WDR37: variants seen among roughly 807,000 people sequenced by gnomAD.
WDR37 encodes WD repeat-containing protein 37.
In WDR37, 19 loss-of-function variants were observed where a neutral mutation model predicts 62.9. The ratio of observed to expected loss-of-function variants is 0.30; its 90% CI spans 0.21 to 0.44. The LOEUF (loss-of-function observed/expected upper bound fraction) is 0.44. Ranked by LOEUF, WDR37 falls within the 20% of genes least tolerant of loss-of-function variation. The pLI, the probability that WDR37 is intolerant of heterozygous loss-of-function variation, is 1.00. For synonymous variants in WDR37, 250 were observed against 260.9 expected, an observed-to-expected ratio of 0.96 and a Z score of 0.40; for missense variants, 474 against 657.6, an observed-to-expected ratio of 0.72 and a Z score of 3.05.
intron 1 of WDR37, among the ~76,000 whole-genome samples, chr10:1,071,648 G>A (rs1184181897): frequency 1.3e-5 from 2 of 152,096 alleles, no homozygotes; most frequent in Admixed American, 6.6e-5. Context: ...TATTTTAAAC[G>A]TATTGGGTTA....
intron 11 of WDR37, among the ~76,000 whole-genome samples, chr10:1,109,930 T>C (rs1835158022): frequency 6.6e-6 from 1 of 152,156 alleles, no homozygotes; most frequent in African/African-American, 2.4e-5. Context: ...GAGTGTGTAA[T>C]TCCCGTGTGC....
At chr10:1,058,750 C>T (rs966033989) in intron 1 of WDR37, among the ~76,000 whole-genome samples, 8 of 152,274 alleles carry the variant, frequency 5.3e-5, no homozygotes, top group African/African-American at 1.4e-4. Context: ...TTCTCTTCCT[C>T]GATATTGCTC....
intron 2 of WDR37, among the ~76,000 whole-genome samples, chr10:1,077,502 A>G (rs530702619): frequency 6.6e-5 from 10 of 152,260 alleles, no homozygotes; most frequent in African/African-American, 2.2e-4. Context: ...TGCCTCTTCC[A>G]TGAGGGTCTA....
chr10:1,121,558 C>T lies in WDR37; in HGVS notation c.1104-2660C>T, dbSNP rs950758775. ...CTGCTCTCGTAACCCGTGCTGCTCT[C>T]GTTACCCAGGCTGGGCGTTTGCTTG... On this transcript the variant is annotated intron_variant, in intron 11 of 13. Coordinates refer to ENST00000263150, the MANE Select transcript of WDR37 (RefSeq NM_014023.4). The surrounding 1 kb of genome is among the most constrained non-coding windows in gnomAD (Gnocchi z 4.5). 3.3e-5 allele frequency among the ~76,000 whole-genome samples: 5 copies of T among 152,220 alleles called. No individual in the cohort carries two copies. The highest frequency in any genetic ancestry group is 1.9e-4 in the East Asian group (1 of 5,200).
intron 11 of WDR37, among the ~76,000 whole-genome samples, chr10:1,111,167 T>G (rs552812323): frequency 6.6e-6 from 1 of 152,242 alleles, no homozygotes; most frequent in Non-Finnish European, 1.5e-5. Context: ...GGAATGTGCT[T>G]TTCAAAGTTT....
intron 1 of WDR37, among the ~76,000 whole-genome samples, chr10:1,069,158 C>T (rs4403737): frequency 0.98 from 149,007 of 152,000 alleles, 73,093 homozygotes; most frequent in Middle Eastern, 1. Context: ...ATACTGAGAG[C>T]CATTGAATTG....
rs545989021 is a variant in WDR37 at position 1,105,464 on chromosome 10, T to G, written c.1103+197T>G. On this transcript the variant is annotated intron_variant, in intron 11 of 13. Coordinates refer to ENST00000263150, the MANE Select transcript of WDR37 (RefSeq NM_014023.4). The surrounding 1 kb of genome is among the most constrained non-coding windows in gnomAD (Gnocchi z 5.3). ...GGCTATTTCAAAGGATGTAGGAGAT[T>G]AAGAGAAGGCACCCTCCGAAGTTCT... 6.6e-6 allele frequency among the ~76,000 whole-genome samples: 1 copy of G among 152,308 alleles called. No homozygotes were observed. The highest frequency in any genetic ancestry group is 2.1e-4 in the South Asian group (1 of 4,826).
In WDR37 at chr10:1,105,069, G is replaced by T; in HGVS notation, c.962-57G>T. ...TTGGGTTCTTGTGCTGTTGAAAAGC[G>T]TCTCTCTCAGCGTGCTCCTCAGGTG... is the stretch of plus-strand genomic sequence containing the variant. On this transcript the variant is annotated intron_variant, in intron 10 of 13. Transcript: ENST00000263150. The surrounding 1 kb of genome is among the most constrained non-coding windows in gnomAD (Gnocchi z 5.3). 1 of 1,592,710 alleles carries T rather than the reference G, an allele frequency of 6.3e-7. No homozygotes were observed. The highest frequency in any genetic ancestry group is 8.6e-7 in the Non-Finnish European group (1 of 1,163,814).
At chr10:1,107,390 GA>G (rs1564509335) in intron 11 of WDR37, among the ~76,000 whole-genome samples, 1 of 152,252 alleles carries the variant, frequency 6.6e-6, no homozygotes, top group Non-Finnish European at 1.5e-5. Context: ...AGGACGGGAG[GA>G]GCAAGATGGT....
chr10:1,115,713 C>A (rs1079390), intron 11 of WDR37, among the ~76,000 whole-genome samples: 12,438 of 152,206 alleles, frequency 0.082, 539 homozygotes, highest in African/African-American at 0.1. Context: ...CGCATGTGGT[C>A]TCTAAATCAG....
chr10:1,084,675 CAT>C, intron 6 of WDR37, 137 bp downstream of exon 6: 3 of 1,279,300 alleles, frequency 2.3e-6, no homozygotes, highest in Admixed American at 2.3e-5. Flanking sequence ...ACCCCCCACA[CAT>C]TAACCCTTGG....
At chr10:1,057,523 T>C (rs187299606) in intron 1 of WDR37, among the ~76,000 whole-genome samples, 1 of 152,216 alleles carries the variant, frequency 6.6e-6, no homozygotes, top group East Asian at 1.9e-4. Flanking sequence ...CTGAAGTGAT[T>C]AACACAGCGC....
chr10:1,079,410 A>C (rs903627514), intron 3 of WDR37, among the ~76,000 whole-genome samples: 7 of 152,102 alleles, frequency 4.6e-5, no homozygotes, highest in Non-Finnish European at 1.0e-4. Flanking sequence ...AATCGTGCAG[A>C]ATCAATCACT....
In WDR37 at chr10:1,123,619, T is replaced by C. The variant is rs574671124; in HGVS notation, c.1104-599T>C. Reference sequence around the variant, plus strand: ...CATCTGCTGATGGACATGTGGGTTGTTTGCACCTCTTTGGCTGTTGTCAGT... The same window carrying C: ...CATCTGCTGATGGACATGTGGGTTGCTTGCACCTCTTTGGCTGTTGTCAGT... On this transcript the variant is annotated intron_variant, in intron 11 of 13. Coordinates refer to ENST00000263150, the MANE Select transcript of WDR37 (RefSeq NM_014023.4). Among the ~76,000 whole-genome samples the C allele has an allele frequency of 2.6e-5, 4 of 152,364 alleles. 1 individual carries two copies. In the South Asian group the frequency reaches 8.3e-4, roughly 32 times the overall value.
At chr10:1,129,181 G>A (rs1218836680) in intron 13 of WDR37, 32 bp from the exon 14 acceptor site, 1 of 1,606,530 alleles carries the variant, frequency 6.2e-7, no homozygotes, top group Non-Finnish European at 8.5e-7. Flanking sequence ...CGGGAATAAT[G>A]CACTGATTTT....
At chr10:1,098,795 C>T (rs2131650802) in intron 9 of WDR37, among the ~76,000 whole-genome samples, 1 of 152,292 alleles carries the variant, frequency 6.6e-6, no homozygotes, top group East Asian at 1.9e-4. Context: ...GCCTTTTGGC[C>T]TGTAGTCTTG....
At chr10:1,117,487 A>G (rs2387299) in intron 11 of WDR37, among the ~76,000 whole-genome samples, 12,477 of 152,306 alleles carry the variant, frequency 0.082, 546 homozygotes, top group African/African-American at 0.1. Context: ...CTCATAAATA[A>G]GGACTTAAGG....
chr10:1,109,453 G>A (rs74572057), intron 11 of WDR37, among the ~76,000 whole-genome samples: 1,553 of 152,322 alleles, frequency 0.01, 40 homozygotes, highest in East Asian at 0.098. Flanking sequence ...TAGGCTGGGC[G>A]CGGTGGCTCA....
intron 1 of WDR37, among the ~76,000 whole-genome samples, chr10:1,070,173 A>G (rs1189903176): frequency 2.7e-5 from 4 of 147,218 alleles, no homozygotes; most frequent in African/African-American, 1.0e-4. Flanking sequence ...GTGCAACTCC[A>G]CTCCAGCCTA....
Sources: gnomAD v4.1 joint callset for allele counts (sites outside exome capture counted in the v4.1 genomes callset) on GRCh38, gnomAD v4.1.1 for gene constraint, Gnocchi (gnomAD v3.1) non-coding constraint, MANE v1.5 for transcripts, NCBI Gene and HGNC (gene_info 2026-07-23, HGNC 2026-07-21) for gene names.